Variants in USP6 observed in about 807,000 individuals in gnomAD.
USP6 encodes ubiquitin carboxyl-terminal hydrolase 6.
In USP6, 128 loss-of-function variants were observed where a neutral mutation model predicts 175.7. The ratio of observed to expected loss-of-function variants is 0.73; its 90% confidence interval spans 0.63 to 0.84. USP6 has a LOEUF of 0.84. Among genes scored for constraint, USP6 ranks in the 40% least tolerant of loss-of-function variants. The pLI is 0.00. For synonymous variants in USP6, 562 were observed against 630.6 expected (o/e 0.89, Z 1.63); for missense variants, 1,498 against 1,760.3 (o/e 0.85, Z 2.67).
intron 36 of USP6, among the ~76,000 whole-genome samples, 194 bp from the exon 37 acceptor site, chr17:5,171,393 C>A (rs1421968088): frequency 2.6e-5 from 4 of 152,138 alleles, no homozygotes; most frequent in Non-Finnish European, 4.4e-5. Context: ...TGTTTATCCA[C>A]ACAAGACTTG....
chr17:5,143,182 C>T (rs1284908626), intron 25 of USP6, among the ~76,000 whole-genome samples: 4 of 152,100 alleles, frequency 2.6e-5, no homozygotes, highest in Admixed American at 2.6e-4. Context: ...AGGTGAGGGG[C>T]GCCTCTGCCT....
intron 30 of USP6, among the ~76,000 whole-genome samples, chr17:5,154,674 C>T (rs1056380335): frequency 5.9e-5 from 9 of 151,790 alleles, no homozygotes; most frequent in Admixed American, 2.6e-4. Flanking sequence ...CAACCACTAT[C>T]GACAGTTTAT....
chr17:5,153,854 C>T (rs2073826692), intron 30 of USP6, among the ~76,000 whole-genome samples: 1 of 152,112 alleles, frequency 6.6e-6, no homozygotes, highest in Admixed American at 6.6e-5. Context: ...CAGGGTTTCA[C>T]CGTATTGGCC....
At position 5,162,985 on chromosome 17, in the gene USP6, A is replaced by G. The variant is rs779179753; in HGVS notation, c.3017A>G (p.Tyr1006Cys). 5 of 1,585,928 alleles carry G rather than the reference A, an allele frequency of 3.2e-6. No individual in the cohort carries two copies. Among genetic ancestry groups the G allele is most frequent in the African/African-American group, 1.4e-5 (1 of 72,902 alleles). Reference protein sequence around the residue: ...DWHPTALHLRYQTSQERVVDK... With the variant: ...DWHPTALHLRCQTSQERVVDK... The stretch of plus-strand genomic sequence containing the variant: ...CACCCCACAGCCCTTCACCTTCGCT[A>G]TCAAACATCCCAGGAAAGGGTAAGA... Residue 1006 changes from tyrosine to cysteine, a missense_variant, in exon 33 of 38, where the codon TAT becomes TGT. Physicochemically the swap from Tyr to Cys is radical, Grantham distance 194 (BLOSUM62 -2). Around this residue, in one of 2 missense-constraint regions of USP6, gnomAD observed 1,217 missense variants for 1,500.8 expected, o/e 0.81. Coordinates refer to ENST00000574788, the MANE Select transcript of USP6 (RefSeq NM_001304284.2).
At chr17:5,135,194 T>C (rs1305837189) in intron 15 of USP6, 40 bp from the exon 16 acceptor site, 5 of 1,606,876 alleles carry the variant, frequency 3.1e-6, no homozygotes, top group South Asian at 2.2e-5. Context: ...TAACAGCATC[T>C]GCACAAACCA....
chr17:5,134,933 A>T, intron 15 of USP6: 1 of 379,844 alleles, frequency 2.6e-6, no homozygotes, highest in Non-Finnish European at 5.1e-6. Flanking sequence ...GAGACTGCAC[A>T]TTGGTTTGGA....
At chr17:5,131,453 AGGGAGAGGCAGG>A (rs2073065220) in intron 11 of USP6, among the ~76,000 whole-genome samples, 1 of 149,530 alleles carries the variant, frequency 6.7e-6, no homozygotes, top group Non-Finnish European at 1.5e-5. Context: ...GCTCGGGTAT[AGGGAGAGGCAGG>A]TGGATGCTTG....
intron 3 of USP6, 65 bp downstream of exon 3, chr17:5,120,853 TG>T (rs2072639204): frequency 2.2e-6 from 1 of 454,386 alleles, no homozygotes; most frequent in Non-Finnish European, 4.4e-6. Flanking sequence ...CTGGTGCAGC[TG>T]GAACGCTGGC....
At position 5,168,509 on chromosome 17, in the gene USP6, G is replaced by C. The variant is rs559938684; in HGVS notation, c.3229-258G>C. Among the ~76,000 whole-genome samples the C allele has an allele frequency of 2.6e-5, 4 of 152,342 alleles. No individual in the cohort carries two copies. The East Asian group carries it at 5.8e-4, about 22-fold the overall frequency. ...CTCTAGAAGAGCAACTGAGCCCGGG[G>C]GCAATACCCACTGCACATAGTCACG... On this transcript the variant is annotated intron_variant, in intron 34 of 37. Transcript: ENST00000574788.
rs2144213961 is a variant in USP6, at chr17:5,174,107, T to A, written c.*1129T>A. ...CTTTGTTTGCATGTCCACTGGTTTT[T>A]TTATTTTGATATTTGTCTTTTTTTA... is the stretch of plus-strand genomic sequence containing the variant. On this transcript the variant is annotated 3_prime_UTR_variant, in exon 38 of 38. Coordinates refer to ENST00000574788, the MANE Select transcript of USP6 (RefSeq NM_001304284.2). 4.9e-6 allele frequency: 1 copy of A among 203,130 alleles called. No homozygotes were observed. The highest frequency in any genetic ancestry group is 7.6e-5 in the East Asian group (1 of 13,072). 12.6% of individuals were successfully genotyped at this position (203,130 alleles called of 1,614,324 possible).
At position 5,139,256 on chromosome 17, in the gene USP6, C is replaced by T; in HGVS notation, c.1080C>T (p.Ala360=). The T allele has an allele frequency of 6.2e-7, 1 of 1,601,038 alleles. No individual in the cohort carries two copies. The highest frequency in any genetic ancestry group is 8.5e-7 in the Non-Finnish European group (1 of 1,179,968). ...TRKQGDLPPP[A]KREQGSLAPR... is the part of the protein sequence containing the mutation. ...TGACCACGTCTGTTTTCCTTTCAGC[C>T]AAACGCGAGCAAGGGTCCTTGGCAC... is the stretch of plus-strand genomic sequence containing the variant. The change falls in exon 22 of 38, where the codon GCC becomes GCT. Residue 360 remains alanine (A), a splice_region_variant and synonymous_variant. Coordinates refer to ENST00000574788, the MANE Select transcript of USP6 (RefSeq NM_001304284.2).
In USP6 at chr17:5,132,948, G is replaced by A; in HGVS notation, c.234G>A (p.Met78Ile). The change falls in exon 13 of 38, where the codon ATG becomes ATA. Residue 78 changes from methionine to isoleucine, a missense_variant. By Grantham distance (10) the Met-to-Ile change is conservative (BLOSUM62 1). Around this residue, in one of 2 missense-constraint regions of USP6, gnomAD observed 281 missense variants for 259.6 expected, o/e 1.08. Coordinates refer to ENST00000574788, the MANE Select transcript of USP6 (RefSeq NM_001304284.2). The surrounding 1 kb of genome is among the most constrained non-coding windows in gnomAD (Gnocchi z 4.7). The part of the protein sequence containing the change: ...RREMTRTSKW[M>I]EMLGEWETYK... ...AGATGACACGAACGAGCAAGTGGAT[G>A]GAAATGCTGGGAGAATGGGAGACAT... The A allele has an allele frequency of 1.2e-6, 2 of 1,614,182 alleles. No homozygotes were observed. The highest frequency in any genetic ancestry group is 1.7e-6 in the Non-Finnish European group (2 of 1,180,026).
chr17:5,137,672 C>A lies in USP6; in HGVS notation c.847C>A (p.Arg283Ser). The A allele has an allele frequency of 6.2e-7, 1 of 1,606,174 alleles. No homozygotes were observed. The highest frequency in any genetic ancestry group is 8.5e-7 in the Non-Finnish European group (1 of 1,174,764). ...ACAGATCTCTCTCGGGCTCACCCTG[C>A]GCCTGTGGGACGTGTATTTGGTGGA... ...IDGISLGLTL[R>S]LWDVYLVEGE... The change falls in exon 20 of 38, where the codon CGC becomes AGC. Residue 283 changes from arginine (R) to serine (S), a missense_variant. Around this residue, in one of 2 missense-constraint regions of USP6, gnomAD observed 1,217 missense variants for 1,500.8 expected, o/e 0.81. Transcript: ENST00000574788.
intron 37 of USP6, among the ~76,000 whole-genome samples, chr17:5,172,516 C>G (rs1221045592): frequency 6.6e-6 from 1 of 151,982 alleles, no homozygotes; most frequent in South Asian, 2.1e-4. Flanking sequence ...GGTGACAGAG[C>G]GAGACTCCAT....
At chr17:5,123,887 G>A (rs933484809) in intron 4 of USP6, among the ~76,000 whole-genome samples, 23 of 150,532 alleles carry the variant, frequency 1.5e-4, no homozygotes, top group Non-Finnish European at 3.1e-4. Context: ...GCATGCTCGC[G>A]CGCAAGCACG....
At chr17:5,146,335 C>G (rs2073610121) in intron 28 of USP6, among the ~76,000 whole-genome samples, 161 bp downstream of exon 28, 1 of 152,046 alleles carries the variant, frequency 6.6e-6, no homozygotes, top group Non-Finnish European at 1.5e-5. Context: ...AACCCAGAAA[C>G]TTAAAAGAGT....
chr17:5,161,138 C>G (rs2073996705), intron 31 of USP6, among the ~76,000 whole-genome samples: 1 of 152,232 alleles, frequency 6.6e-6, no homozygotes, highest in Non-Finnish European at 1.5e-5. Context: ...AAATATACAG[C>G]TTTCTGCAAT....
rs756370253 is a variant in USP6, at chr17:5,142,522, A to T, written c.1818+20A>T. ...CTTCGGGTAAGCAGGTTAAAATAAT[A>T]TAAAAGTATTTAATTCCTAAATAGT... On this transcript the variant is annotated intron_variant, in intron 25 of 37. Coordinates refer to ENST00000574788, the MANE Select transcript of USP6 (RefSeq NM_001304284.2). The T allele has an allele frequency of 1.3e-6, 2 of 1,591,384 alleles. No individual in the cohort carries two copies. The highest frequency in any genetic ancestry group is 1.7e-6 in the Non-Finnish European group (2 of 1,168,320).
chr17:5,165,774 T>C (rs1383050672), intron 33 of USP6, among the ~76,000 whole-genome samples: 1 of 152,088 alleles, frequency 6.6e-6, no homozygotes, highest in Non-Finnish European at 1.5e-5. Flanking sequence ...ATTTAAACAG[T>C]AGTAGAGGAT....
Sources: gnomAD v4.1 joint callset for allele counts (sites outside exome capture counted in the v4.1 genomes callset) on GRCh38, gnomAD v4.1.1 for gene constraint, gnomAD v4.1.1 regional missense constraint, Gnocchi (gnomAD v3.1) non-coding constraint, MANE v1.5 for transcripts, NCBI Gene and HGNC (gene_info 2026-07-23, HGNC 2026-07-21) for gene names.